The following TP53BP1 variants were observed in gnomAD, a reference collection of about 807,000 sequenced individuals.
TP53BP1 encodes the protein TP53-binding protein 1.
A neutral mutation model predicts 200.8 loss-of-function variants in TP53BP1; 61 were observed. That is an observed-to-expected ratio of 0.30 (90% CI 0.25 to 0.38). The LOEUF (loss-of-function observed/expected upper bound fraction) is 0.38. Among genes scored for constraint, TP53BP1 ranks in the 10% least tolerant of loss-of-function variants. The probability of loss-of-function intolerance (pLI) is 1.00; values close to 1 mark genes in which losing one functional copy is unlikely to be tolerated. For synonymous variants in TP53BP1, 822 were observed against 844.3 expected (o/e 0.97, Z 0.46); for missense variants, 2,144 against 2,371.9 (o/e 0.90, Z 2.00).
intron 4 of TP53BP1, among the ~76,000 whole-genome samples, chr15:43,487,398 T>C (rs1566965553): frequency 6.6e-6 from 1 of 152,150 alleles, no homozygotes; most frequent in Non-Finnish European, 1.5e-5. Flanking sequence ...CTAGAAAAGT[T>C]TGGCAGTTTC....
At chr15:43,446,682 G>A in intron 13 of TP53BP1, 92 bp from the exon 14 acceptor site, 1 of 1,554,626 alleles carries the variant, frequency 6.4e-7, no homozygotes. Flanking sequence ...TGCCTGTTTG[G>A]CTCCACAGCT....
chr15:43,474,613 G>T, intron 10 of TP53BP1, 60 bp downstream of exon 10: 1 of 1,187,866 alleles, frequency 8.4e-7, no homozygotes, highest in Non-Finnish European at 1.2e-6. Context: ...ATTTTGCAAG[G>T]CAGAAAAAGT....
intron 14 of TP53BP1, among the ~76,000 whole-genome samples, chr15:43,442,411 C>T (rs1246431287): frequency 6.6e-6 from 1 of 151,948 alleles, no homozygotes; most frequent in African/African-American, 2.4e-5. Context: ...TTTAATGGTA[C>T]AAGTTTTTCT....
At chr15:43,419,502 A>G (rs2045344537) in intron 21 of TP53BP1, among the ~76,000 whole-genome samples, 1 of 148,346 alleles carries the variant, frequency 6.7e-6, no homozygotes, top group South Asian at 2.2e-4. Flanking sequence ...TACGACAACA[A>G]GCATGTGCCC....
intron 4 of TP53BP1, among the ~76,000 whole-genome samples, chr15:43,482,273 T>C (rs558175049): frequency 6.6e-6 from 1 of 152,168 alleles, no homozygotes; most frequent in African/African-American, 2.4e-5. Flanking sequence ...AAACAACCTA[T>C]AAATTCAGCA....
intron 4 of TP53BP1, among the ~76,000 whole-genome samples, chr15:43,488,830 G>A (rs1480263005): frequency 1.3e-5 from 2 of 152,168 alleles, no homozygotes; most frequent in African/African-American, 4.8e-5. Context: ...GGAGGCAGAG[G>A]TTGCAGTGAG....
chr15:43,447,363 C>T lies in TP53BP1; in HGVS notation c.2836+3G>A, dbSNP rs1262905443. Reference sequence around the variant, plus strand: ...TAAATATCATTACTTTTTATTCACTCACCAATAGGAGTACTGTGTCTCTTG... The same window carrying T: ...TAAATATCATTACTTTTTATTCACTTACCAATAGGAGTACTGTGTCTCTTG... On this transcript the variant is annotated splice_donor_region_variant and intron_variant, in intron 13 of 27. Transcript: ENST00000382044. 3.1e-6 allele frequency: 5 copies of T among 1,595,396 alleles called. No homozygotes were observed. Among genetic ancestry groups the T allele is most frequent in the Non-Finnish European group, 4.3e-6 (5 of 1,175,666 alleles).
At position 43,456,971 on chromosome 15, in the gene TP53BP1, T is replaced by C; in HGVS notation, c.1637A>G (p.Glu546Gly). 1.2e-6 allele frequency: 2 copies of C among 1,614,200 alleles called. No individual in the cohort carries two copies. The highest frequency in any genetic ancestry group is 1.7e-6 in the Non-Finnish European group (2 of 1,180,034). Residue 546 changes from glutamate (E) to glycine (G), a missense_variant, in exon 12 of 28, where the codon GAA becomes GGA. Physicochemically the swap from Glu to Gly is moderately conservative, Grantham distance 98. Transcript: ENST00000382044. ...TTCCGTATCCTCAATCTGTGTGTTT[T>C]CTCCATCTTCATCAATTCTGTGAGA... ...LSSHRIDEDG[E>G]NTQIEDTEPM...
At chr15:43,446,682 G>T in intron 13 of TP53BP1, 92 bp from the exon 14 acceptor site, 1 of 1,554,622 alleles carries the variant, frequency 6.4e-7, no homozygotes, top group Non-Finnish European at 8.7e-7. Flanking sequence ...TGCCTGTTTG[G>T]CTCCACAGCT....
intron 1 of TP53BP1, among the ~76,000 whole-genome samples, chr15:43,510,148 C>T (rs1262384663): frequency 7.9e-6 from 1 of 126,278 alleles, no homozygotes; most frequent in African/African-American, 3.1e-5. Flanking sequence ...AACACTGCTC[C>T]TTCTGTTTTA....
At chr15:43,425,123 G>A (rs191005177) in intron 18 of TP53BP1, among the ~76,000 whole-genome samples, 28 of 152,236 alleles carry the variant, frequency 1.8e-4, no homozygotes, top group Admixed American at 1.7e-3. Context: ...GTAGCCCCTT[G>A]ACCTTGGACT....
chr15:43,446,804 T>C (rs2046052204), intron 13 of TP53BP1: 1 of 1,496,924 alleles, frequency 6.7e-7, no homozygotes, highest in South Asian at 1.2e-5. Context: ...GTTCCACTTC[T>C]GCATCTGGAC....
At chr15:43,467,492 C>T (rs1290151144) in intron 11 of TP53BP1, among the ~76,000 whole-genome samples, 3 of 151,722 alleles carry the variant, frequency 2.0e-5, no homozygotes, top group African/African-American at 7.3e-5. Context: ...GAACTATGTT[C>T]AGAATCACTC....
intron 15 of TP53BP1, among the ~76,000 whole-genome samples, chr15:43,440,480 A>C: frequency 6.7e-6 from 1 of 150,166 alleles, no homozygotes; most frequent in Non-Finnish European, 1.5e-5. Flanking sequence ...GTGCCACTGC[A>C]CTCCAGCCTG....
In TP53BP1 at chr15:43,492,387, G is replaced by A. The variant is rs140524878; in HGVS notation, c.89C>T (p.Ser30Phe). ...CTCTAGAACCTGGCTTTCAGGCTGAGAATCTTCAATTATCAGGCAAGGAGT... is the reference window on the plus strand; with the variant it reads ...CTCTAGAACCTGGCTTTCAGGCTGAAAATCTTCAATTATCAGGCAAGGAGT... ...QDTPCLIIED[S>F]QPESQVLEDD... The change falls in exon 2 of 28, where the codon TCT (serine) becomes TTT (phenylalanine). Residue 30 changes from serine to phenylalanine, a missense_variant. Transcript: ENST00000382044. 6.2e-7 allele frequency: 1 copy of A among 1,613,878 alleles called. No homozygotes were observed.
At chr15:43,420,939 A>C in intron 20 of TP53BP1, 86 bp downstream of exon 20, 2 of 1,507,986 alleles carry the variant, frequency 1.3e-6, no homozygotes, top group Non-Finnish European at 1.8e-6. Context: ...CTCCCTCCTG[A>C]CACCCCACAA....
rs2046282301 is a variant in TP53BP1, at chr15:43,455,915, T to G, written c.2693A>C (p.Gln898Pro). The G allele has an allele frequency of 6.2e-7, 1 of 1,614,044 alleles. No individual in the cohort carries two copies. The highest frequency in any genetic ancestry group is 1.1e-5 in the South Asian group (1 of 91,066). ...KLGKPSAHAS[Q>P]SFCESSSETP... ...ACCACTAGAACTTTCACAGAAGCTT[T>G]GTGAGGCATGGGCAGAGGGCTTCCC... Residue 898 changes from glutamine to proline, a missense_variant, in exon 12 of 28, where the codon CAA (glutamine) becomes CCA (proline). Gln to Pro is a moderately conservative substitution (Grantham distance 76). Around this residue, in one of 4 missense-constraint regions of TP53BP1, gnomAD observed 1,700 missense variants for 1,710.3 expected, o/e 0.99. Transcript: ENST00000382044.
intron 16 of TP53BP1, among the ~76,000 whole-genome samples, chr15:43,435,289 A>AAAT: frequency 6.6e-6 from 1 of 151,636 alleles, no homozygotes; most frequent in East Asian, 1.9e-4. Context: ...AAAAAAAAAA[A>AAAT]AAATCCAAAT....
intron 11 of TP53BP1, among the ~76,000 whole-genome samples, chr15:43,459,351 G>A (rs941266682): frequency 1.3e-5 from 2 of 151,864 alleles, no homozygotes; most frequent in Admixed American, 6.6e-5. Context: ...AAAAAGATGT[G>A]CAAATGATCA....
Sources: allele counts gnomAD v4.1 joint callset (sites outside exome capture counted in the v4.1 genomes callset), GRCh38; gene constraint gnomAD v4.1.1; regional missense constraint gnomAD v4.1.1; transcripts MANE v1.5; gene names NCBI Gene and HGNC (gene_info 2026-07-23, HGNC 2026-07-21).